Variants in RPAP3 observed in about 807,000 individuals in gnomAD.
RPAP3 encodes the protein RNA polymerase II-associated protein 3.
RPAP3 carries 58 observed loss-of-function variants against 88.8 expected under a neutral mutation model. That is an observed-to-expected ratio of 0.65 (90% confidence interval 0.53 to 0.81). The LOEUF is 0.81. RPAP3 is among the 40% of genes least tolerant of loss of function. The pLI, the probability that RPAP3 is intolerant of heterozygous loss-of-function variation, is 0.00. For synonymous variants in RPAP3, 255 were observed against 259.9 expected (o/e 0.98, Z 0.18); for missense variants, 751 against 764.3 (o/e 0.98, Z 0.20).
chr12:47,685,914 G>A (rs141462859), intron 9 of RPAP3, among the ~76,000 whole-genome samples: 103 of 152,236 alleles, frequency 6.8e-4, no homozygotes, highest in Middle Eastern at 3.4e-3. Context: ...ATTTTGAGGT[G>A]TGTTAATAAA....
chr12:47,699,739 T>A (rs1453138243), intron 3 of RPAP3: 4 of 152,140 alleles, frequency 2.6e-5, no homozygotes, highest in Non-Finnish European at 5.9e-5. Flanking sequence ...AAAAGTATTA[T>A]CAATAAGAGA....
chr12:47,696,240 A>G (rs963219773), intron 5 of RPAP3, 36 bp downstream of exon 5: 2 of 1,466,214 alleles, frequency 1.4e-6, no homozygotes, highest in African/African-American at 2.9e-5. Flanking sequence ...TATACATAAG[A>G]CATTCACATT....
chr12:47,702,264 G>A (rs1228635690), intron 2 of RPAP3, among the ~76,000 whole-genome samples: 1 of 152,112 alleles, frequency 6.6e-6, no homozygotes, highest in African/African-American at 2.4e-5. Context: ...ACTGACAGTG[G>A]GCCGGGCACG....
chr12:47,665,948 A>G (rs1255048959), intron 16 of RPAP3, among the ~76,000 whole-genome samples: 1 of 152,148 alleles, frequency 6.6e-6, no homozygotes, highest in African/African-American at 2.4e-5. Context: ...ATATATCTAA[A>G]TTACATGTCC....
At chr12:47,675,296 C>T (rs887997518) in intron 12 of RPAP3, among the ~76,000 whole-genome samples, 1 of 152,072 alleles carries the variant, frequency 6.6e-6, no homozygotes. Flanking sequence ...CAAAAACAGG[C>T]CAAATTGTAA....
rs1938781339 is a variant in RPAP3 at position 47,662,515 on chromosome 12, CTGA to C, written c.*987_*989del. 6.6e-6 allele frequency: 1 copy of C among 152,124 alleles called. No individual in the cohort carries two copies. The highest frequency in any genetic ancestry group is 2.4e-5 in the African/African-American group (1 of 41,444). The allele number at this position is 152,124 out of a possible 1,614,324, so 9.4% of individuals were successfully genotyped here. A position where few individuals can be genotyped will look rare whatever the true frequency, so the allele number is the denominator to read the frequency against. On this transcript the variant is annotated 3_prime_UTR_variant, in exon 17 of 17. Coordinates refer to ENST00000005386, the MANE Select transcript of RPAP3 (RefSeq NM_024604.3). ...TGTAAACTGAACTGTCTTATTGATG[CTGA>C]TAACAATTAAAGGATGGTGTCCTAA... is the stretch of plus-strand genomic sequence containing the variant.
chr12:47,697,602 C>A lies in RPAP3; in HGVS notation c.412G>T (p.Glu138Ter), dbSNP rs1451515631. Residue 138 changes from glutamate (E) to a stop codon, truncating the protein, a stop_gained, in exon 4 of 17, where the codon GAA becomes TAA. Coordinates refer to ENST00000005386, the MANE Select transcript of RPAP3 (RefSeq NM_024604.3). LOFTEE classifies it high-confidence loss of function. ...VDSQKALVLK[E>*]KGNKYFKQGK... ...AAAACCTAACTAATTAGTACCTTTTCTTTTAAAACAAGAGCCTTTTGTGAA... is the reference window on the plus strand; with the variant it reads ...AAAACCTAACTAATTAGTACCTTTTATTTTAAAACAAGAGCCTTTTGTGAA... 1.3e-6 allele frequency: 2 copies of A among 1,596,198 alleles called. No individual in the cohort carries two copies. Among genetic ancestry groups the A allele is most frequent in the Non-Finnish European group, 1.7e-6 (2 of 1,175,120 alleles).
rs1448554021 is a variant in RPAP3 at position 47,681,735 on chromosome 12, C to A, written c.1075G>T (p.Ala359Ser). The A allele has an allele frequency of 1.2e-6, 2 of 1,612,546 alleles. No homozygotes were observed. The highest frequency in any genetic ancestry group is 1.7e-5 in the Admixed American group (1 of 59,812). Reference sequence around the variant, plus strand: ...TTTAGCTTTCCCAAAAATGTTCTTGCAGTTCCTCTTCTGGCAAAAGCTTTA... The same window carrying A: ...TTTAGCTTTCCCAAAAATGTTCTTGAAGTTCCTCTTCTGGCAAAAGCTTTA... ...YSKAFARRGT[A>S]RTFLGKLNEA... The change falls in exon 10 of 17, where the codon GCA becomes TCA. Residue 359 changes from alanine to serine, a missense_variant. Ala to Ser is a moderately conservative substitution (Grantham distance 99). Transcript: ENST00000005386.
intron 8 of RPAP3, 39 bp from the exon 9 acceptor site, chr12:47,686,946 AT>A (rs200302266): frequency 1.3e-3 from 1,563 of 1,244,992 alleles, no homozygotes; most frequent in Admixed American, 4.9e-3. Flanking sequence ...TAAAAAAAAA[AT>A]TTCAAAAAAA....
At chr12:47,692,210 C>T (rs148252670) in intron 5 of RPAP3, among the ~76,000 whole-genome samples, 77 of 152,268 alleles carry the variant, frequency 5.1e-4, no homozygotes, top group African/African-American at 1.5e-3. Context: ...CTGCATTAGC[C>T]CCTAACAAGA....
chr12:47,695,615 G>A (rs933064490), intron 5 of RPAP3, among the ~76,000 whole-genome samples: 11 of 151,874 alleles, frequency 7.2e-5, no homozygotes, highest in Admixed American at 2.6e-4. Flanking sequence ...TGCAGATATC[G>A]AATATTATAA....
chr12:47,696,364 T>C lies in RPAP3; in HGVS notation c.457A>G (p.Ile153Val). Residue 153 changes from isoleucine (I) to valine (V), a missense_variant, in exon 5 of 17, where the codon ATT (isoleucine) becomes GTT (valine). Transcript: ENST00000005386. ...YFKQGKYDEA[I>V]DCYTKGMDAD... ...TCCATGCCTTTTGTGTAGCAGTCAA[T>C]TGCTTCATCATATTTTCCTTGTTTG... 1.3e-6 allele frequency: 2 copies of C among 1,598,704 alleles called. No homozygotes were observed. The highest frequency in any genetic ancestry group is 1.1e-5 in the South Asian group (1 of 88,306).
intron 5 of RPAP3, among the ~76,000 whole-genome samples, chr12:47,692,592 G>A (rs982566173): frequency 5.9e-5 from 9 of 152,160 alleles, no homozygotes; most frequent in Non-Finnish European, 1.0e-4. Flanking sequence ...TGTTGTGGCT[G>A]GTTTGATCTT....
chr12:47,697,469 G>T, intron 4 of RPAP3, 128 bp downstream of exon 4: 1 of 773,582 alleles, frequency 1.3e-6, no homozygotes, highest in African/African-American at 1.8e-5. Context: ...CCTCCAGAGA[G>T]GGATGTAGCC....
chr12:47,667,838 G>T lies in RPAP3; in HGVS notation c.1727C>A (p.Ser576Tyr), dbSNP rs764801994. 6.3e-7 allele frequency: 1 copy of T among 1,595,100 alleles called. No individual in the cohort carries two copies. The highest frequency in any genetic ancestry group is 8.6e-7 in the Non-Finnish European group (1 of 1,167,822). ...TTTCTGAAACAACTTAGGATACAAA[G>T]ATGGTTCAATTTGCTTGAAAAAAAA... The part of the protein sequence containing the change: ...LYQYLKQIEP[S>Y]LYPKLFQKNL... The change falls in exon 15 of 17, where the codon TCT becomes TAT. Residue 576 changes from serine (S) to tyrosine (Y), a missense_variant. Transcript: ENST00000005386.
At chr12:47,691,123 T>C (rs1939419722) in intron 5 of RPAP3, among the ~76,000 whole-genome samples, 1 of 152,244 alleles carries the variant, frequency 6.6e-6, no homozygotes. Context: ...TGCTATTTGA[T>C]AGTATTTACA....
chr12:47,681,019 A>G (rs1422412740), intron 10 of RPAP3, among the ~76,000 whole-genome samples: 10 of 152,202 alleles, frequency 6.6e-5, no homozygotes. Flanking sequence ...AAGATGGCCA[A>G]GTGGAGTTTG....
chr12:47,688,133 T>C, intron 7 of RPAP3, 132 bp from the exon 8 acceptor site: 1 of 794,340 alleles, frequency 1.3e-6, no homozygotes, highest in Non-Finnish European at 1.8e-6. Context: ...TAACATTTTC[T>C]GCTCTAATTC....
chr12:47,672,370 C>A (rs1008230545), intron 12 of RPAP3, among the ~76,000 whole-genome samples: 1 of 152,188 alleles, frequency 6.6e-6, no homozygotes, highest in Admixed American at 6.5e-5. Context: ...TCTCTGGTGA[C>A]CAGGTGGTGT....
Sources: allele counts gnomAD v4.1 joint callset (sites outside exome capture counted in the v4.1 genomes callset), GRCh38; gene constraint gnomAD v4.1.1; transcripts MANE v1.5; gene names NCBI Gene and HGNC (gene_info 2026-07-23, HGNC 2026-07-21).